SAMD8: variants seen among roughly 807,000 people sequenced by gnomAD.
SAMD8 encodes the protein sphingomyelin synthase-related protein 1.
SAMD8 carries 20 observed loss-of-function variants against 42.0 expected under a neutral mutation model. The ratio of observed to expected loss-of-function variants is 0.48; its 90% CI spans 0.34 to 0.69. SAMD8 has a LOEUF of 0.69. SAMD8 is among the 30% of genes least tolerant of loss of function. The pLI is 0.01. For missense variants in SAMD8, 328 were observed against 511.6 expected (o/e 0.64, Z 3.46); for synonymous variants, 162 against 173.0 (o/e 0.94, Z 0.50).
chr10:75,164,825 T>C, intron 3 of SAMD8, 85 bp downstream of exon 3: 1 of 997,584 alleles, frequency 1.0e-6, no homozygotes, highest in Non-Finnish European at 1.6e-6. Flanking sequence ...CTTTGCAGTT[T>C]CCTTGTTAAT....
Position 75,112,956 on chromosome 10 carries a change from T to C in SAMD8, c.-16+1234T>C, listed in dbSNP as rs117586771. ...CAATACCAAATCTTCCTCTCACTGA[T>C]AACCCCAGGATTGGACTTATCTCTT... is the stretch of plus-strand genomic sequence containing the variant. On this transcript the variant is annotated intron_variant, in intron 1 of 5. Coordinates refer to ENST00000542569, the MANE Select transcript of SAMD8 (RefSeq NM_001174156.2). Among the ~76,000 whole-genome samples the C allele has an allele frequency of 1.2e-3, 187 of 152,340 alleles. No individual in the cohort carries two copies. In the East Asian group the frequency reaches 0.025, roughly 21 times the overall value.
intron 1 of SAMD8, among the ~76,000 whole-genome samples, chr10:75,140,824 T>C (rs1281749416): frequency 6.6e-6 from 1 of 152,226 alleles, no homozygotes; most frequent in Non-Finnish European, 1.5e-5. Context: ...GGGTTGAATG[T>C]GCAGATAAGT....
At chr10:75,105,544 AGCCACACACAGCCCT>A (rs1162669986) in intron 1 of SAMD8, 1 of 1,035,192 alleles carries the variant, frequency 9.7e-7, no homozygotes, top group Non-Finnish European at 1.4e-6. Flanking sequence ...CCTCACTTCC[AGCCACACACAGCCCT>A]GCCAACCAAT....
chr10:75,149,830 T>C (rs1379761712), intron 1 of SAMD8, among the ~76,000 whole-genome samples: 2 of 152,142 alleles, frequency 1.3e-5, no homozygotes, highest in South Asian at 2.1e-4. Flanking sequence ...TTAATTAAAT[T>C]GTGACTCATG....
At chr10:75,153,368 G>C (rs888142861) in intron 2 of SAMD8, among the ~76,000 whole-genome samples, 1 of 151,956 alleles carries the variant, frequency 6.6e-6, no homozygotes, top group African/African-American at 2.4e-5. Context: ...CCAGCACTTC[G>C]AGAGGACGAG....
In SAMD8 at chr10:75,176,431, T is replaced by G; in HGVS notation, c.987T>G (p.Val329=). The part of the protein sequence containing the change: ...SWNFLHTLSW[V]LNLFGIFFIL... ...ATTTCTTGCACACTTTATCCTGGGT[T>G]CTCAACCTCTTTGGAATCTTCTTCA... The change falls in exon 6 of 6, where the codon GTT becomes GTG. Residue 329 remains valine (V), a synonymous_variant. Transcript: ENST00000542569. This position sits in a 1 kb window ranked among gnomAD's most constrained non-coding sequence, Gnocchi z 4.3. 6.4e-7 allele frequency: 1 copy of G among 1,551,460 alleles called. No homozygotes were observed. Among genetic ancestry groups the G allele is most frequent in the Non-Finnish European group, 8.7e-7 (1 of 1,147,268 alleles).
chr10:75,122,347 C>T lies in SAMD8; in HGVS notation c.-16+10625C>T, dbSNP rs185318570. Among the ~76,000 whole-genome samples the T allele has an allele frequency of 1.8e-3, 270 of 152,230 alleles. 2 individuals carry two copies. Among genetic ancestry groups the T allele is most frequent in the African/African-American group, 6.1e-3 (254 of 41,558 alleles). ...TAATTATAGGCTGGGCGCAGTGGCT[C>T]ACGCCTGTAATCTCAGCACTTTGGG... On this transcript the variant is annotated intron_variant, in intron 1 of 5. Coordinates refer to ENST00000542569, the MANE Select transcript of SAMD8 (RefSeq NM_001174156.2).
chr10:75,171,627 A>G (rs755688718), intron 4 of SAMD8, among the ~76,000 whole-genome samples: 3 of 152,240 alleles, frequency 2.0e-5, no homozygotes, highest in Non-Finnish European at 4.4e-5. Flanking sequence ...AAACAGTGCT[A>G]TAGTAAACAT....
At chr10:75,163,422 T>A (rs1442832544) in intron 2 of SAMD8, among the ~76,000 whole-genome samples, 1 of 151,820 alleles carries the variant, frequency 6.6e-6, no homozygotes, top group Non-Finnish European at 1.5e-5. Flanking sequence ...CTACCTTCCT[T>A]CTTTCTTCCC....
intron 1 of SAMD8, among the ~76,000 whole-genome samples, chr10:75,137,996 A>G (rs1455634386): frequency 6.6e-6 from 1 of 152,164 alleles, no homozygotes; most frequent in Non-Finnish European, 1.5e-5. Flanking sequence ...TAGTGACTGA[A>G]ACCTGGAGAA....
chr10:75,109,173 C>T (rs1460088779), upstream of SAMD8: 1 of 1,557,668 alleles, frequency 6.4e-7, no homozygotes, highest in Non-Finnish European at 8.7e-7. Context: ...AGCCCGCCCA[C>T]CCCTCTGCCT....
At chr10:75,106,248 C>T (rs1014833524) in intron 1 of SAMD8, among the ~76,000 whole-genome samples, 8 of 151,910 alleles carry the variant, frequency 5.3e-5, no homozygotes, top group Non-Finnish European at 8.8e-5. Flanking sequence ...GGCCTCCAAA[C>T]CTTTTTAACA....
intron 1 of SAMD8, among the ~76,000 whole-genome samples, chr10:75,140,918 TTTG>T (rs1298703022): frequency 7.9e-5 from 12 of 152,218 alleles, no homozygotes; most frequent in Non-Finnish European, 1.5e-4. Context: ...AGCAGTGTTT[TTTG>T]TTGTTTTCAG....
At chr10:75,108,262 G>A, upstream of SAMD8, 1 of 1,540,494 alleles carries the variant, frequency 6.5e-7, no homozygotes, top group African/African-American at 1.4e-5. Context: ...GGACCAGGAG[G>A]GAGGCTGTGC....
At chr10:75,108,399 G>A (rs899097770), upstream of SAMD8, 18 of 1,050,724 alleles carry the variant, frequency 1.7e-5, no homozygotes, top group Non-Finnish European at 2.2e-5. Context: ...TGGCTGAGCC[G>A]GCGGTGTGTG....
chr10:75,147,368 C>T (rs1189540671), intron 1 of SAMD8, among the ~76,000 whole-genome samples: 1 of 151,836 alleles, frequency 6.6e-6, no homozygotes, highest in Non-Finnish European at 1.5e-5. Flanking sequence ...ACTGTGTTGC[C>T]CAGGCTGGAG....
intron 1 of SAMD8, among the ~76,000 whole-genome samples, chr10:75,138,843 A>G (rs1026017718): frequency 6.6e-6 from 1 of 152,152 alleles, no homozygotes; most frequent in Non-Finnish European, 1.5e-5. Flanking sequence ...TTTATCTGTT[A>G]TCTGTGACTT....
At chr10:75,104,175 A>G (rs1848352987) in intron 1 of SAMD8, 41 of 1,079,802 alleles carry the variant, frequency 3.8e-5, no homozygotes, top group Non-Finnish European at 5.0e-5. Flanking sequence ...GGGCAGGGAT[A>G]AGAGCTGTCA....
chr10:75,126,011 T>C (rs1490102384), intron 1 of SAMD8: 1 of 152,258 alleles, frequency 6.6e-6, no homozygotes, highest in Non-Finnish European at 1.5e-5. Context: ...GTTATTCCCC[T>C]GTGCCTTTTA....
Sources: allele counts gnomAD v4.1 joint callset (sites outside exome capture counted in the v4.1 genomes callset), GRCh38; gene constraint gnomAD v4.1.1; non-coding constraint Gnocchi (gnomAD v3.1); transcripts MANE v1.5; gene names NCBI Gene and HGNC (gene_info 2026-07-23, HGNC 2026-07-21).